NUMA1: variants seen among roughly 807,000 people sequenced by gnomAD.
NUMA1 encodes SP-H antigen.
In NUMA1, 62 loss-of-function variants were observed where a neutral mutation model predicts 237.1. The ratio of observed to expected loss-of-function variants is 0.26; its 90% CI spans 0.21 to 0.32. The LOEUF (loss-of-function observed/expected upper bound fraction) is 0.32, where lower values mean the gene tolerates loss of function less well. NUMA1 is among the 10% of genes least tolerant of loss of function. The pLI, the probability that NUMA1 is intolerant of heterozygous loss-of-function variation, is 1.00. For synonymous variants in NUMA1, 1,028 were observed against 1,066.1 expected, an observed-to-expected ratio of 0.96 and a Z score of 0.70; for missense variants, 2,533 against 2,666.5, an observed-to-expected ratio of 0.95 and a Z score of 1.10.
chr11:72,052,353 A>G (rs1406631095), intron 2 of NUMA1, among the ~76,000 whole-genome samples: 1 of 152,210 alleles, frequency 6.6e-6, no homozygotes, highest in Non-Finnish European at 1.5e-5. Flanking sequence ...CAGGATAAGT[A>G]GAGTTTCACC....
chr11:72,005,931 G>A, intron 22 of NUMA1, 104 bp downstream of exon 22: 1 of 965,768 alleles, frequency 1.0e-6, no homozygotes, highest in Non-Finnish European at 1.6e-6. Context: ...ATGGTAGCAA[G>A]GAGGCCAGCC....
chr11:72,015,998 G>T lies in NUMA1; in HGVS notation c.1505C>A (p.Ser502Tyr), dbSNP rs544106676. The T allele has an allele frequency of 3.7e-6, 6 of 1,614,062 alleles. No individual in the cohort carries two copies. The South Asian group carries it at 6.6e-5, about 18-fold the overall frequency. ...HGARLTAQVA[S>Y]LTSELTTLNA... is the part of the protein sequence containing the mutation. ...GAGTGTGGTGAGCTCAGAGGTCAGA[G>T]AGGCCACCTGGGCAGTCAACCGGGC... The change falls in exon 15 of 27, where the codon TCT (serine) becomes TAT (tyrosine). Residue 502 changes from serine (S) to tyrosine (Y), a missense_variant. Coordinates refer to ENST00000393695, the MANE Select transcript of NUMA1 (RefSeq NM_006185.4). This position sits in a 1 kb window ranked among gnomAD's most constrained non-coding sequence, Gnocchi z 4.0.
At chr11:72,044,750 C>A (rs2135929793) in intron 2 of NUMA1, among the ~76,000 whole-genome samples, 2 of 150,896 alleles carry the variant, frequency 1.3e-5, no homozygotes, top group South Asian at 4.2e-4. Flanking sequence ...TCAATGCAAC[C>A]TCTGTCTCCT....
intron 2 of NUMA1, among the ~76,000 whole-genome samples, chr11:72,048,565 G>A (rs184342803): frequency 3.3e-5 from 5 of 152,108 alleles, no homozygotes; most frequent in South Asian, 2.1e-4. Flanking sequence ...TAGAGATGGC[G>A]TTTCACCATG....
intron 13 of NUMA1, chr11:72,016,786 A>G (rs1235693410): frequency 4.3e-6 from 2 of 465,978 alleles, no homozygotes; most frequent in Non-Finnish European, 7.7e-6. Context: ...GTTTACTTCA[A>G]ATTTCCTTAC....
rs530252952 is a variant in NUMA1 at position 72,016,299 on chromosome 11, C to T, written c.1243-39G>A. Reference sequence around the variant, plus strand: ...GAGACAAACTGGGATCAGCATGACTCCTCAGTCATCAAGACTCCTCTGGAA... The same window carrying T: ...GAGACAAACTGGGATCAGCATGACTTCTCAGTCATCAAGACTCCTCTGGAA... On this transcript the variant is annotated intron_variant, in intron 14 of 26. Transcript: ENST00000393695. 1.9e-6 allele frequency: 3 copies of T among 1,584,160 alleles called. No individual in the cohort carries two copies. In the Admixed American group the frequency reaches 5.1e-5, roughly 27 times the overall value.
chr11:72,077,683 G>A lies in NUMA1; in HGVS notation c.-103+2775C>T, dbSNP rs547698285. Among the ~76,000 whole-genome samples, 13 of 151,962 alleles carry A rather than the reference G, an allele frequency of 8.6e-5. No homozygotes were observed. In the South Asian group the frequency reaches 2.5e-3, roughly 29 times the overall value. ...CAAAAAATTAGCCAGGCGTGGTTGC[G>A]GGCGCCTGTAGTCCCAGCTACTCGG... On this transcript the variant is annotated intron_variant, in intron 1 of 26. Transcript: ENST00000393695.
At chr11:72,016,880 C>T in intron 13 of NUMA1, 1 of 215,798 alleles carries the variant, frequency 4.6e-6, no homozygotes, top group Non-Finnish European at 9.2e-6. Flanking sequence ...GCAGCAATAC[C>T]ACTGGCAGCA....
rs775532028 is a variant in NUMA1, at chr11:72,013,316, C to T, written c.4187G>A (p.Arg1396Gln). The change falls in exon 15 of 27, where the codon CGG (arginine) becomes CAG (glutamine). Residue 1396 changes from arginine (R) to glutamine (Q), a missense_variant. This residue lies in a region of NUMA1 where 324 missense variants were observed against 407.6 expected (regional missense o/e 0.79). Coordinates refer to ENST00000393695, the MANE Select transcript of NUMA1 (RefSeq NM_006185.4). This position sits in a 1 kb window ranked among gnomAD's most constrained non-coding sequence, Gnocchi z 6.8. ...CCGCTGGGCCCGCAGCAGCTCTGCCCGCAGTCCCCCAGCGGCCTGCTTGCT... is the reference window on the plus strand; with the variant it reads ...CCGCTGGGCCCGCAGCAGCTCTGCCTGCAGTCCCCCAGCGGCCTGCTTGCT... ...EQSKQAAGGL[R>Q]AELLRAQREL... The T allele has an allele frequency of 6.2e-6, 10 of 1,605,494 alleles. No homozygotes were observed. The highest frequency in any genetic ancestry group is 4.5e-5 in the East Asian group (2 of 44,862).
At position 72,016,265 on chromosome 11, in the gene NUMA1, T is replaced by TA. The variant is rs761538729; in HGVS notation, c.1243-6_1243-5insT. 2.5e-6 allele frequency: 4 copies of TA among 1,590,062 alleles called. No individual in the cohort carries two copies. In the African/African-American group the frequency reaches 5.4e-5, roughly 21 times the overall value. On this transcript the variant is annotated splice_region_variant and splice_polypyrimidine_tract_variant and intron_variant, in intron 14 of 26. Transcript: ENST00000393695. The stretch of plus-strand genomic sequence containing the variant: ...CTCTTGCTTCAAGGTTTCCAGCTGG[T>TA]GGTATAAAGAGACAAACTGGGATCA...
Position 72,029,076 on chromosome 11 carries a change from C to T in NUMA1, c.128+129G>A, listed in dbSNP as rs559998920. On this transcript the variant is annotated intron_variant, in intron 4 of 26. Transcript: ENST00000393695. The stretch of plus-strand genomic sequence containing the variant: ...TTCTTGCCTTTAGGCCCCACCCTGG[C>T]TTATGATGTCCCAATCCTTCCCCTG... 8 of 631,312 alleles carry T rather than the reference C, an allele frequency of 1.3e-5. No individual in the cohort carries two copies. The African/African-American group carries it at 1.5e-4, about 12-fold the overall frequency. The allele number at this position is 631,312 out of a possible 1,614,324, so 39.1% of individuals were successfully genotyped here.
At chr11:72,006,832 T>C (rs1955751577) in intron 21 of NUMA1, among the ~76,000 whole-genome samples, 1 of 152,224 alleles carries the variant, frequency 6.6e-6, no homozygotes. Context: ...GCCTGTAGCC[T>C]GTCAGGCAGT....
Position 72,006,226 on chromosome 11 carries a change from G to C in NUMA1, c.5501C>G (p.Ser1834Trp), listed in dbSNP as rs141331520. 6 of 1,614,074 alleles carry C rather than the reference G, an allele frequency of 3.7e-6. No homozygotes were observed. The highest frequency in any genetic ancestry group is 2.2e-5 in the East Asian group (1 of 44,878). ...AGGAGCAGACCGCGTGCTGTAGAAC[G>C]ATGAGTTGGCGCTGTCTGGCTCTTC... Reference protein sequence around the residue: ...DVEEPDSANSSFYSTRSAPAS... With the variant: ...DVEEPDSANSWFYSTRSAPAS... The change falls in exon 22 of 27, where the codon TCG (serine) becomes TGG (tryptophan). Residue 1834 changes from serine (S) to tryptophan (W), a missense_variant. Ser to Trp is a radical substitution (Grantham distance 177, BLOSUM62 -3). Coordinates refer to ENST00000393695, the MANE Select transcript of NUMA1 (RefSeq NM_006185.4).
At chr11:72,022,827 G>A (rs1396068613) in intron 6 of NUMA1, among the ~76,000 whole-genome samples, 3 of 152,124 alleles carry the variant, frequency 2.0e-5, no homozygotes, top group Non-Finnish European at 2.9e-5. Context: ...TAATGGTCTA[G>A]TAAACCATTG....
intron 17 of NUMA1, 127 bp from the exon 18 acceptor site, chr11:72,009,514 C>G: frequency 8.3e-7 from 1 of 1,211,626 alleles, no homozygotes. Context: ...GGAAGAAAAC[C>G]ACACCACCCC....
At chr11:72,032,600 CT>C (rs1374409989) in intron 3 of NUMA1, among the ~76,000 whole-genome samples, 4 of 152,148 alleles carry the variant, frequency 2.6e-5, no homozygotes, top group African/African-American at 4.8e-5. Flanking sequence ...AATATTTTTT[CT>C]TCCTGTGAGT....
At position 72,057,537 on chromosome 11, in the gene NUMA1, A is replaced by G. The variant is rs571595578; in HGVS notation, c.-33+12305T>C. On this transcript the variant is annotated intron_variant, in intron 2 of 26. Coordinates refer to ENST00000393695, the MANE Select transcript of NUMA1 (RefSeq NM_006185.4). ...GGCAGGTGGATCACTTGAGGTCAGG[A>G]GTTCCAGACCAGCCTGGCCAACATG... is the stretch of plus-strand genomic sequence containing the variant. 5.3e-5 allele frequency among the ~76,000 whole-genome samples: 8 copies of G among 152,204 alleles called. No homozygotes were observed. In the South Asian group the frequency reaches 1.7e-3, roughly 32 times the overall value.
intron 8 of NUMA1, chr11:72,020,411 C>T (rs1938604956): frequency 6.6e-6 from 1 of 152,244 alleles, no homozygotes; most frequent in Admixed American, 6.5e-5. Flanking sequence ...CTATCATCCA[C>T]CAGCTGACCT....
At chr11:72,031,817 A>T (rs146744683) in intron 3 of NUMA1, among the ~76,000 whole-genome samples, 373 of 151,652 alleles carry the variant, frequency 2.5e-3, no homozygotes, top group Middle Eastern at 0.01. Flanking sequence ...CTGTCTCAAA[A>T]AAATAAATAA....
Sources: allele counts gnomAD v4.1 joint callset (sites outside exome capture counted in the v4.1 genomes callset), GRCh38; gene constraint gnomAD v4.1.1; regional missense constraint gnomAD v4.1.1; non-coding constraint Gnocchi (gnomAD v3.1); transcripts MANE v1.5; gene names NCBI Gene and HGNC (gene_info 2026-07-23, HGNC 2026-07-21).